Variants in SESTD1 observed in about 807,000 individuals in gnomAD.
The protein encoded by SESTD1 is SEC14 and spectrin domain containing 1, also known as SEC14 domain and spectrin repeat-containing protein 1.
Under a neutral mutation model 101.7 loss-of-function variants are expected in SESTD1, and 43 were observed. The ratio of observed to expected loss-of-function variants is 0.42; its 90% CI spans 0.33 to 0.55. SESTD1 has a LOEUF of 0.55. Ranked by LOEUF, SESTD1 falls within the 20% of genes least tolerant of loss-of-function variation. The pLI is 0.07. For missense variants in SESTD1, 647 were observed against 815.1 expected, an observed-to-expected ratio of 0.79 and a Z score of 2.51; for synonymous variants, 283 against 286.8, an observed-to-expected ratio of 0.99 and a Z score of 0.13.
At chr2:179,249,696 C>T (rs994321183) in intron 1 of SESTD1, among the ~76,000 whole-genome samples, 2 of 151,808 alleles carry the variant, frequency 1.3e-5, no homozygotes, top group African/African-American at 4.8e-5. Context: ...AAAAAGAATA[C>T]CTAAAACAAT....
At chr2:179,135,168 C>T (rs1237722259) in intron 9 of SESTD1, among the ~76,000 whole-genome samples, 3 of 152,134 alleles carry the variant, frequency 2.0e-5, no homozygotes, top group African/African-American at 7.2e-5. Flanking sequence ...TGGTCTCAAA[C>T]TCCTGACCTC....
At chr2:179,180,766 T>C (rs1399730778) in intron 3 of SESTD1, among the ~76,000 whole-genome samples, 2 of 152,102 alleles carry the variant, frequency 1.3e-5, no homozygotes, top group African/African-American at 4.8e-5. Context: ...AAAACATTGG[T>C]TTTAAGATCA....
intron 1 of SESTD1, among the ~76,000 whole-genome samples, chr2:179,215,938 T>C (rs776605706): frequency 1.5e-5 from 2 of 135,010 alleles, no homozygotes; most frequent in East Asian, 4.0e-4. Flanking sequence ...TAAAATTCAG[T>C]AGCCCTTTAT....
intron 10 of SESTD1, chr2:179,131,955 G>A (rs1346137212): frequency 1.3e-5 from 2 of 159,724 alleles, no homozygotes; most frequent in African/African-American, 2.4e-5. Flanking sequence ...CCAATAAAGT[G>A]GGGGTGAGGG....
chr2:179,259,653 T>C (rs531005167), intron 1 of SESTD1, among the ~76,000 whole-genome samples: 1 of 152,312 alleles, frequency 6.6e-6, no homozygotes, highest in Non-Finnish European at 1.5e-5. Flanking sequence ...CTTAATGTTC[T>C]TTCCACCTCA....
chr2:179,220,718 T>G (rs755959552), intron 1 of SESTD1, among the ~76,000 whole-genome samples: 3 of 152,204 alleles, frequency 2.0e-5, no homozygotes, highest in Non-Finnish European at 4.4e-5. Flanking sequence ...CAGCATCTAA[T>G]TTCCAGATTC....
rs188305776 is a variant in SESTD1, at chr2:179,183,022, T to A, written c.164+58A>T. On this transcript the variant is annotated intron_variant, in intron 3 of 17. Transcript: ENST00000428443. ...AAGTATAATTCAACAATAGAAAGAA[T>A]CATTAGTAACTGAATGAAAACATAC... The A allele has an allele frequency of 3.7e-4, 423 of 1,156,342 alleles. 1 individual carries two copies. The highest frequency in any genetic ancestry group is 1.2e-3 in the Admixed American group (49 of 41,520). The allele number at this position is 1,156,342 out of a possible 1,614,324, so 71.6% of individuals were successfully genotyped here. A position where few individuals can be genotyped will look rare whatever the true frequency, so the allele number is the denominator to read the frequency against.
intron 1 of SESTD1, among the ~76,000 whole-genome samples, chr2:179,230,778 CA>C (rs1358056779): frequency 3.3e-5 from 5 of 150,134 alleles, no homozygotes; most frequent in African/African-American, 9.7e-5. Flanking sequence ...AACTATAATC[CA>C]AAAAAAAATT....
intron 10 of SESTD1, among the ~76,000 whole-genome samples, chr2:179,128,999 G>A (rs1016170267): frequency 1.3e-5 from 2 of 152,198 alleles, no homozygotes; most frequent in African/African-American, 4.8e-5. Flanking sequence ...ACGCATACTT[G>A]GTGAAATGAT....
rs192820792 is a variant in SESTD1 at position 179,214,996 on chromosome 2, G to C, written c.-25-23130C>G. On this transcript the variant is annotated intron_variant, in intron 1 of 17. Coordinates refer to ENST00000428443, the MANE Select transcript of SESTD1 (RefSeq NM_178123.5). ...CGAGACACATTTAAAGCAGCATGTA[G>C]ATGGAAATTTATAGCACTAAATGCC... 5.0e-3 allele frequency among the ~76,000 whole-genome samples: 680 copies of C among 134,836 alleles called. 161 individuals are homozygous for C. The highest frequency in any genetic ancestry group is 0.019 in the African/African-American group (647 of 34,058). The allele number at this position is 134,836 out of a possible 152,430, so 88.5% of individuals were successfully genotyped here.
intron 5 of SESTD1, among the ~76,000 whole-genome samples, chr2:179,154,315 G>A (rs976537382): frequency 7.1e-6 from 1 of 139,946 alleles, no homozygotes; most frequent in Non-Finnish European, 1.6e-5. Context: ...GGGAGGGAGG[G>A]AGAGAGGGAG....
chr2:179,228,747 C>G (rs1207282192), intron 1 of SESTD1, among the ~76,000 whole-genome samples: 1 of 152,146 alleles, frequency 6.6e-6, no homozygotes, highest in East Asian at 1.9e-4. Flanking sequence ...ACAAGAAGAA[C>G]AAATAAAACC....
intron 14 of SESTD1, 39 bp from the exon 15 acceptor site, chr2:179,116,829 C>T (rs1489338028): frequency 6.3e-7 from 1 of 1,598,892 alleles, no homozygotes; most frequent in Admixed American, 1.7e-5. Context: ...GGATTCAGAA[C>T]TCTTTACTTA....
intron 1 of SESTD1, among the ~76,000 whole-genome samples, chr2:179,248,582 C>G (rs2047267096): frequency 6.6e-6 from 1 of 151,618 alleles, no homozygotes; most frequent in African/African-American, 2.4e-5. Context: ...ATTAGAAAAT[C>G]ATGTCAACAA....
chr2:179,261,828 G>T (rs1041535023), intron 1 of SESTD1, among the ~76,000 whole-genome samples: 4 of 152,088 alleles, frequency 2.6e-5, no homozygotes, highest in African/African-American at 9.7e-5. Context: ...TCCTCAGAAA[G>T]TAAACAGAAT....
chr2:179,119,142 TGAAG>T (rs1348568228), intron 13 of SESTD1, among the ~76,000 whole-genome samples: 2 of 152,340 alleles, frequency 1.3e-5, no homozygotes, highest in South Asian at 2.1e-4. Context: ...AGGAAGTCAC[TGAAG>T]GAAGTTTTAC....
chr2:179,187,310 C>T (rs1041949962), intron 2 of SESTD1, among the ~76,000 whole-genome samples: 2 of 152,124 alleles, frequency 1.3e-5, no homozygotes, highest in African/African-American at 2.4e-5. Context: ...TTAAAAGACA[C>T]CAAATGGCAA....
chr2:179,131,706 G>A (rs1193842301), intron 10 of SESTD1, among the ~76,000 whole-genome samples: 1 of 152,086 alleles, frequency 6.6e-6, no homozygotes, highest in South Asian at 2.1e-4. Flanking sequence ...CACATAACAA[G>A]TTGTTAAATT....
At chr2:179,127,886 T>C (rs2044913062) in intron 10 of SESTD1, among the ~76,000 whole-genome samples, 1 of 152,230 alleles carries the variant, frequency 6.6e-6, no homozygotes, top group Non-Finnish European at 1.5e-5. Context: ...ACTGTCATGC[T>C]CTAAAATATA....
Sources: gnomAD v4.1 joint callset for allele counts (sites outside exome capture counted in the v4.1 genomes callset) on GRCh38, gnomAD v4.1.1 for gene constraint, MANE v1.5 for transcripts, NCBI Gene and HGNC (gene_info 2026-07-23, HGNC 2026-07-21) for gene names.